The following TBC1D8 variants were observed in gnomAD, a reference collection of about 807,000 sequenced individuals.
The protein encoded by TBC1D8 is BUB2-like protein 1.
Under a neutral mutation model 118.8 loss-of-function variants are expected in TBC1D8, and 65 were observed. That is an observed-to-expected ratio of 0.55 (90% CI 0.45 to 0.67). TBC1D8 has a LOEUF of 0.67. Ranked by LOEUF, TBC1D8 falls within the 30% of genes least tolerant of loss-of-function variation. The probability of loss-of-function intolerance (pLI) is 0.00; values close to 1 mark genes in which losing one functional copy is unlikely to be tolerated. For synonymous variants in TBC1D8, 566 were observed against 595.8 expected (o/e 0.95, Z 0.73); for missense variants, 1,376 against 1,471.2 (o/e 0.94, Z 1.06).
In TBC1D8 at chr2:101,037,209, T is replaced by C. The variant is rs561540745; in HGVS notation, c.1452+323A>G. The stretch of plus-strand genomic sequence containing the variant: ...AAAAAAAAAGGAAAAAGGAAAGCTA[T>C]AACGCGGGGCACACAGACAGCACTG... On this transcript the variant is annotated intron_variant, in intron 8 of 19. Transcript: ENST00000409318. Among the ~76,000 whole-genome samples, 7 of 152,160 alleles carry C rather than the reference T, an allele frequency of 4.6e-5. No individual in the cohort carries two copies. In the East Asian group the frequency reaches 1.4e-3, roughly 29 times the overall value.
chr2:101,054,688 T>G (rs1183597221), intron 3 of TBC1D8, among the ~76,000 whole-genome samples: 2 of 122,186 alleles, frequency 1.6e-5, no homozygotes, highest in Admixed American at 9.5e-5. Flanking sequence ...TTTTTTTTTT[T>G]TTTTTTTTTT....
In TBC1D8 at chr2:101,007,696, G is replaced by GTTGTT; in HGVS notation, c.*120_*124dup. 2.1e-6 allele frequency: 2 copies of GTTGTT among 975,334 alleles called. No individual in the cohort carries two copies. Among genetic ancestry groups the GTTGTT allele is most frequent in the East Asian group, 4.8e-5 (2 of 41,772 alleles). The allele number at this position is 975,334 out of a possible 1,614,324, so 60.4% of individuals were successfully genotyped here. The stretch of plus-strand genomic sequence containing the variant: ...GGTTCCCCTGGCCACAGTTTGTCAG[G>GTTGTT]TTGTTTAGCCAGATGCCCCATTGGT... On this transcript the variant is annotated 3_prime_UTR_variant, in exon 20 of 20. Coordinates refer to ENST00000409318, the MANE Select transcript of TBC1D8 (RefSeq NM_001330348.2).
At chr2:101,147,792 G>GT (rs2104290170) in intron 1 of TBC1D8, among the ~76,000 whole-genome samples, 1 of 152,268 alleles carries the variant, frequency 6.6e-6, no homozygotes, top group African/African-American at 2.4e-5. Context: ...AATGTTGTGT[G>GT]TTCTTTCTCT....
At chr2:101,070,083 T>C (rs1683229163) in intron 2 of TBC1D8, among the ~76,000 whole-genome samples, 1 of 151,916 alleles carries the variant, frequency 6.6e-6, no homozygotes, top group African/African-American at 2.4e-5. Context: ...GCCCAGCTAA[T>C]TTTTAGTATT....
intron 15 of TBC1D8, among the ~76,000 whole-genome samples, chr2:101,025,900 G>A (rs1680310821): frequency 6.6e-6 from 1 of 152,214 alleles, no homozygotes; most frequent in Non-Finnish European, 1.5e-5. Flanking sequence ...GACAGAAAAG[G>A]AGATATCACA....
intron 15 of TBC1D8, among the ~76,000 whole-genome samples, chr2:101,024,595 C>T (rs1225464061): frequency 6.6e-6 from 1 of 151,900 alleles, no homozygotes; most frequent in Non-Finnish European, 1.5e-5. Flanking sequence ...TTAGTAGAGA[C>T]GGGATTTCAC....
Position 101,054,072 on chromosome 2 carries a change from A to C in TBC1D8, c.631+36T>G, listed in dbSNP as rs751402456. The C allele has an allele frequency of 2.5e-6, 4 of 1,577,466 alleles. No homozygotes were observed. In the African/African-American group the frequency reaches 4.0e-5, roughly 16 times the overall value. On this transcript the variant is annotated intron_variant, in intron 4 of 19. Transcript: ENST00000409318. ...GAGCAGCGCTGAGTCCCTGGGGCCA[A>C]CTTTATCTTGGAAGAGCCTGCCAGG...
intron 10 of TBC1D8, 190 bp downstream of exon 10, chr2:101,033,354 C>T: frequency 1.4e-6 from 1 of 723,900 alleles, no homozygotes; most frequent in Non-Finnish European, 2.5e-6. Flanking sequence ...ACCTCATGAT[C>T]CGTTGATTAT....
intron 2 of TBC1D8, among the ~76,000 whole-genome samples, chr2:101,078,986 G>A (rs181432252): frequency 8.5e-5 from 13 of 152,140 alleles, no homozygotes; most frequent in South Asian, 6.2e-4. Context: ...GTGGGCCCCC[G>A]GGGACCTCAT....
At chr2:101,115,263 C>A (rs1479247859) in intron 1 of TBC1D8, among the ~76,000 whole-genome samples, 1 of 152,104 alleles carries the variant, frequency 6.6e-6, no homozygotes, top group African/African-American at 2.4e-5. Flanking sequence ...GAAGAACAGA[C>A]GTGGAGCCAG....
At chr2:101,132,528 T>A (rs374364839) in intron 1 of TBC1D8, among the ~76,000 whole-genome samples, 1 of 152,236 alleles carries the variant, frequency 6.6e-6, no homozygotes, top group Non-Finnish European at 1.5e-5. Context: ...AGCCTTTCTA[T>A]GACTGACATT....
chr2:101,147,551 G>C (rs538413192), intron 1 of TBC1D8, among the ~76,000 whole-genome samples: 4 of 152,276 alleles, frequency 2.6e-5, no homozygotes, highest in Admixed American at 2.0e-4. Context: ...ATTCTAACTG[G>C]AGTGCGGTAT....
Position 101,135,167 on chromosome 2 carries a change from G to C in TBC1D8, c.127+15960C>G, listed in dbSNP as rs183611310. On this transcript the variant is annotated intron_variant, in intron 1 of 19. Transcript: ENST00000409318. The stretch of plus-strand genomic sequence containing the variant: ...AGCCTGGGCGACAGAGCGAGACTCC[G>C]TCTCAAAAAAAGAAAAAAGAAACAA... Among the ~76,000 whole-genome samples the C allele has an allele frequency of 2.4e-4, 36 of 152,050 alleles. 1 individual carries two copies. The East Asian group carries it at 6.2e-3, about 26-fold the overall frequency.
chr2:101,012,605 G>A (rs1679304955), intron 17 of TBC1D8, among the ~76,000 whole-genome samples: 1 of 148,026 alleles, frequency 6.8e-6, no homozygotes, highest in Non-Finnish European at 1.5e-5. Context: ...TGTGGTGATC[G>A]CTGCACAACT....
chr2:101,123,704 A>G (rs532062701), intron 1 of TBC1D8, among the ~76,000 whole-genome samples: 19 of 152,304 alleles, frequency 1.2e-4, no homozygotes, highest in African/African-American at 4.6e-4. Flanking sequence ...CTACCTTACA[A>G]AAAGAGAGGA....
At chr2:101,074,300 A>C (rs1453116199) in intron 2 of TBC1D8, among the ~76,000 whole-genome samples, 1 of 152,232 alleles carries the variant, frequency 6.6e-6, no homozygotes, top group Non-Finnish European at 1.5e-5. Context: ...TACATGGTTC[A>C]TAGCACCCCA....
chr2:101,019,531 T>TGCATCAAAAATTCAGATAC (rs1157336085), intron 17 of TBC1D8: 1 of 153,020 alleles, frequency 6.5e-6, no homozygotes, highest in Non-Finnish European at 1.5e-5. Context: ...CTTTTTTAAC[T>TGCATCAAAAATTCAGATAC]GCATCAAAAA....
At chr2:101,137,072 G>A (rs1316247411) in intron 1 of TBC1D8, among the ~76,000 whole-genome samples, 20 of 130,262 alleles carry the variant, frequency 1.5e-4, no homozygotes, top group African/African-American at 5.2e-4. Context: ...GGCTTTTGTC[G>A]CCCAGGCTGG....
At chr2:101,129,048 C>T (rs542815039) in intron 1 of TBC1D8, among the ~76,000 whole-genome samples, 2 of 152,106 alleles carry the variant, frequency 1.3e-5, no homozygotes, top group South Asian at 4.2e-4. Context: ...CACAACACTG[C>T]GAATGTATGT....
Sources: gnomAD v4.1 joint callset for allele counts (sites outside exome capture counted in the v4.1 genomes callset) on GRCh38, gnomAD v4.1.1 for gene constraint, MANE v1.5 for transcripts, NCBI Gene and HGNC (gene_info 2026-07-23, HGNC 2026-07-21) for gene names.